Variants in SCN8A observed in about 807,000 individuals in gnomAD.
The protein encoded by SCN8A is sodium voltage-gated channel alpha subunit 8.
A neutral mutation model predicts 184.1 loss-of-function variants in SCN8A; 30 were observed. The observed-to-expected ratio is 0.16, with a 90% CI of 0.12 to 0.22. The LOEUF (loss-of-function observed/expected upper bound fraction) is 0.22, where lower values mean the gene tolerates loss of function less well. SCN8A is among the 10% of genes least tolerant of loss of function. The probability of loss-of-function intolerance (pLI) is 1.00; values close to 1 mark genes in which losing one functional copy is unlikely to be tolerated. For missense variants in SCN8A, 1,057 were observed against 2,498.9 expected (o/e 0.42, Z 12.30); for synonymous variants, 852 against 907.0 (o/e 0.94, Z 1.09).
At chr12:51,776,747 T>C (rs1344817009) in intron 20 of SCN8A, among the ~76,000 whole-genome samples, 3 of 152,208 alleles carry the variant, frequency 2.0e-5, no homozygotes, top group Non-Finnish European at 4.4e-5. Context: ...AGTGTCTGAT[T>C]TCTTTGGCAT....
intron 1 of SCN8A, among the ~76,000 whole-genome samples, chr12:51,610,156 CAAAACTCTGTCTCAAAAAAAAAAAA>C (rs1434942426): frequency 1.4e-5 from 1 of 70,122 alleles, no homozygotes; most frequent in East Asian, 4.8e-4. Context: ...GGTGACAGAG[CAAAACTCTGTCTCAAAAAAAAAAAA>C]AAAAAAAAAA....
chr12:51,799,099 A>G (rs761411078), intron 26 of SCN8A, among the ~76,000 whole-genome samples: 1 of 152,044 alleles, frequency 6.6e-6, no homozygotes, highest in Non-Finnish European at 1.5e-5. Flanking sequence ...AACCGTCTGT[A>G]AACTAGGCCC....
chr12:51,659,624 G>A (rs1290629968), intron 1 of SCN8A, among the ~76,000 whole-genome samples: 2 of 152,128 alleles, frequency 1.3e-5, no homozygotes, highest in African/African-American at 2.4e-5. Flanking sequence ...TTTGAGGGAG[G>A]GAAATGACTT....
At chr12:51,608,123 C>G (rs1939638308) in intron 1 of SCN8A, among the ~76,000 whole-genome samples, 1 of 151,414 alleles carries the variant, frequency 6.6e-6, no homozygotes, top group Non-Finnish European at 1.5e-5. Flanking sequence ...CGGGTTCACA[C>G]CATTCTCCTG....
In SCN8A at chr12:51,770,540, C is replaced by A. The variant is rs201042588; in HGVS notation, c.3502C>A (p.Arg1168=). ...DACFTEGCVQ[R]FKCCQVNIEE... is the part of the protein sequence containing the mutation. ...CCCGCTGGTGCCAGGTTGTGTCCAG[C>A]GGTTCAAGTGCTGCCAGGTCAACAT... is the stretch of plus-strand genomic sequence containing the variant. Residue 1168 remains arginine (R), a synonymous_variant, in exon 19 of 27, where the codon CGG becomes AGG. Transcript: ENST00000627620. The A allele has an allele frequency of 6.2e-7, 1 of 1,605,086 alleles. No homozygotes were observed. The highest frequency in any genetic ancestry group is 1.7e-5 in the Admixed American group (1 of 58,610).
intron 6 of SCN8A, chr12:51,690,039 A>T (rs1426173072): frequency 6.6e-6 from 1 of 152,216 alleles, no homozygotes; most frequent in African/African-American, 2.4e-5. Flanking sequence ...CCTTAATTTA[A>T]TTTAAATCAT....
chr12:51,764,995 C>T (rs1942816361), intron 15 of SCN8A, among the ~76,000 whole-genome samples: 5 of 151,932 alleles, frequency 3.3e-5, no homozygotes, highest in Admixed American at 2.6e-4. Context: ...AGGCTGGTCT[C>T]GAACTCCTGG....
At chr12:51,787,452 C>T (rs1432877379) in intron 22 of SCN8A, among the ~76,000 whole-genome samples, 7 of 152,298 alleles carry the variant, frequency 4.6e-5, no homozygotes, top group East Asian at 1.9e-4. Flanking sequence ...AGTGAAAGCT[C>T]GTAGGCTTTG....
chr12:51,771,265 G>C (rs1445238430), intron 19 of SCN8A, among the ~76,000 whole-genome samples: 3 of 152,208 alleles, frequency 2.0e-5, no homozygotes. Context: ...CCTGGACAGG[G>C]TGTGGTGTGA....
intron 3 of SCN8A, 31 bp downstream of exon 3, chr12:51,684,323 C>T (rs779118786): frequency 3.6e-5 from 36 of 1,010,166 alleles, no homozygotes; most frequent in Middle Eastern, 2.1e-4. Flanking sequence ...GGAGTGAGTG[C>T]GGCAATTGCA....
chr12:51,712,491 T>A, intron 11 of SCN8A: 1 of 769,878 alleles, frequency 1.3e-6, no homozygotes, highest in Non-Finnish European at 2.4e-6. Flanking sequence ...TATCCACCAC[T>A]TCCACCACTA....
chr12:51,594,661 A>G (rs1939304676), intron 1 of SCN8A, among the ~76,000 whole-genome samples: 2 of 152,316 alleles, frequency 1.3e-5, no homozygotes, highest in South Asian at 4.1e-4. Flanking sequence ...ATAAAAATAC[A>G]TACTTATTGC....
chr12:51,745,770 G>A, intron 12 of SCN8A, 133 bp from the exon 13 acceptor site: 1 of 571,502 alleles, frequency 1.7e-6, no homozygotes, highest in Non-Finnish European at 2.7e-6. Flanking sequence ...ACTTCTTGAA[G>A]TGAATAGGAC....
At chr12:51,674,489 C>T (rs973700288) in intron 2 of SCN8A, among the ~76,000 whole-genome samples, 1 of 152,116 alleles carries the variant, frequency 6.6e-6, no homozygotes, top group Non-Finnish European at 1.5e-5. Context: ...CACGCCACCA[C>T]GCCTGGCTAA....
chr12:51,743,673 A>G (rs1565907725), intron 12 of SCN8A, among the ~76,000 whole-genome samples: 2 of 152,298 alleles, frequency 1.3e-5, no homozygotes, highest in East Asian at 3.9e-4. Context: ...TAACCACTAC[A>G]TGGCTGCCAC....
rs201572098 is a variant in SCN8A at position 51,757,790 on chromosome 12, AAACAAAACAC to A, written c.2371-4704_2371-4695del. On this transcript the variant is annotated intron_variant, in intron 14 of 26. Transcript: ENST00000627620. ...TGACAGAGCAAGACCCTATCTCAAA[AAACAAAACAC>A]AACAAAACCCAAACTAGAAAGATAT... Among the ~76,000 whole-genome samples the A allele has an allele frequency of 7.2e-4, 110 of 152,280 alleles. 1 individual carries two copies. The East Asian group carries it at 0.021, about 29-fold the overall frequency.
At chr12:51,606,298 C>G (rs950046284) in intron 1 of SCN8A, among the ~76,000 whole-genome samples, 8 of 152,216 alleles carry the variant, frequency 5.3e-5, no homozygotes, top group Admixed American at 1.3e-4. Context: ...ATTTCATTCT[C>G]CTACATGTGG....
At chr12:51,742,500 T>G (rs1480872938) in intron 12 of SCN8A, among the ~76,000 whole-genome samples, 1 of 152,170 alleles carries the variant, frequency 6.6e-6, no homozygotes, top group Non-Finnish European at 1.5e-5. Flanking sequence ...CCCTCAGCAC[T>G]TTAAATATAT....
chr12:51,802,426 G>T (rs759074724), intron 26 of SCN8A, among the ~76,000 whole-genome samples: 1 of 152,154 alleles, frequency 6.6e-6, no homozygotes, highest in Admixed American at 6.5e-5. Context: ...ATTCCAAGTC[G>T]CAGGGTCCCA....
Sources: gnomAD v4.1 joint callset for allele counts (sites outside exome capture counted in the v4.1 genomes callset) on GRCh38, gnomAD v4.1.1 for gene constraint, MANE v1.5 for transcripts, NCBI Gene and HGNC (gene_info 2026-07-23, HGNC 2026-07-21) for gene names.